The following ORAI2 variants were observed in gnomAD, a reference collection of about 807,000 sequenced individuals.
ORAI2 encodes protein orai-2.
Under a neutral mutation model 16.2 loss-of-function variants are expected in ORAI2, and 10 were observed. That is an observed-to-expected ratio of 0.62 (90% CI 0.38 to 1.04). The LOEUF is 1.04. Ranked by LOEUF, ORAI2 falls within the 50% of genes least tolerant of loss-of-function variation. The probability of loss-of-function intolerance (pLI) is 0.01; values close to 1 mark genes in which losing one functional copy is unlikely to be tolerated. For missense variants in ORAI2, 238 were observed against 355.5 expected (o/e 0.67, Z 2.66); for synonymous variants, 150 against 157.5 (o/e 0.95, Z 0.35).
chr7:102,443,122 CTTCTTCTTCTTTTTTT>C (rs1241589857), intron 3 of ORAI2, among the ~76,000 whole-genome samples: 1 of 85,420 alleles, frequency 1.2e-5, no homozygotes, highest in East Asian at 4.8e-4. Flanking sequence ...TCTTCTTCTT[CTTCTTCTTCTTTTTTT>C]TTTTTTTAAT....
rs894455702 is a variant in ORAI2 at position 102,456,631 on chromosome 7, C to T, written c.*9579C>T. 1 of 152,232 alleles carries T rather than the reference C, an allele frequency of 6.6e-6. No homozygotes were observed. The highest frequency in any genetic ancestry group is 1.9e-4 in the East Asian group (1 of 5,188). The allele number at this position is 152,232 out of a possible 1,614,324, so 9.4% of individuals were successfully genotyped here. A position where few individuals can be genotyped will look rare whatever the true frequency, so the allele number is the denominator to read the frequency against. On this transcript the variant is annotated 3_prime_UTR_variant, in exon 4 of 4. Transcript: ENST00000495936. ...TGCCCTCCTCACATCCCCCAACCCT[C>T]CCTGGGCGTGGGGGTGTCAAGCATG...
intron 1 of ORAI2, among the ~76,000 whole-genome samples, chr7:102,435,534 CT>C (rs1217174430): frequency 7.0e-4 from 82 of 117,262 alleles, no homozygotes; most frequent in African/African-American, 1.7e-3. Context: ...TTGCCCCCCC[CT>C]CTTTTTTTTT....
chr7:102,452,803 T>G lies in ORAI2; in HGVS notation c.*5751T>G, dbSNP rs1348422917. On this transcript the variant is annotated 3_prime_UTR_variant, in exon 4 of 4. Transcript: ENST00000495936. The stretch of plus-strand genomic sequence containing the variant: ...TCTTCTAGGAAAGAATTTCTGTTTG[T>G]TTTGTTTTGTTTTGTTTTGTTTTTT... 8.5e-6 allele frequency: 1 copy of G among 117,944 alleles called. No homozygotes were observed. The highest frequency in any genetic ancestry group is 1.6e-5 in the Non-Finnish European group (1 of 62,798). The allele number at this position is 117,944 out of a possible 1,614,324, so 7.3% of individuals were successfully genotyped here.
At chr7:102,442,263 A>G (rs1322526862) in intron 3 of ORAI2, among the ~76,000 whole-genome samples, 1 of 151,846 alleles carries the variant, frequency 6.6e-6, no homozygotes, top group Non-Finnish European at 1.5e-5. Flanking sequence ...TAAAAATATG[A>G]AAAGGAGGGC....
chr7:102,438,057 A>G lies in ORAI2; in HGVS notation c.-13-887A>G, dbSNP rs541954020. ...GAATGAGACTCTGTCTCTATTTTTA[A>G]AAAAAGTAGGCTGGACGCGGTGGGT... is the stretch of plus-strand genomic sequence containing the variant. On this transcript the variant is annotated intron_variant, in intron 2 of 3. Transcript: ENST00000495936. Among the ~76,000 whole-genome samples, 336 of 151,574 alleles carry G rather than the reference A, an allele frequency of 2.2e-3. 1 individual carries two copies. The highest frequency in any genetic ancestry group is 7.9e-3 in the African/African-American group (327 of 41,244).
chr7:102,446,732 G>A lies in ORAI2; in HGVS notation c.445G>A (p.Ala149Thr). Residue 149 changes from alanine to threonine, a missense_variant, in exon 4 of 4, where the codon GCC becomes ACC. Ala to Thr is a moderately conservative substitution (Grantham distance 58, BLOSUM62 0). This residue lies in a region of ORAI2 where 176 missense variants were observed against 265.9 expected (regional missense o/e 0.66). Transcript: ENST00000495936. Reference sequence around the variant, plus strand: ...GCGCATGCACCCCTACATCGAGCTGGCCTGGGGCTTCTCCACCGTGCTTGG... The same window carrying A: ...GCGCATGCACCCCTACATCGAGCTGACCTGGGGCTTCTCCACCGTGCTTGG... ...HERMHPYIEL[A>T]WGFSTVLGIL... 1.2e-6 allele frequency: 2 copies of A among 1,614,158 alleles called. No homozygotes were observed. Among genetic ancestry groups the A allele is most frequent in the Non-Finnish European group, 8.5e-7 (1 of 1,180,032 alleles).
chr7:102,439,321 C>A, intron 3 of ORAI2, 140 bp downstream of exon 3: 1 of 699,776 alleles, frequency 1.4e-6, no homozygotes, highest in African/African-American at 1.8e-5. Context: ...CACCCACGTC[C>A]CAGCTGCTCT....
At chr7:102,435,218 C>T (rs746966708) in intron 1 of ORAI2, among the ~76,000 whole-genome samples, 1 of 152,194 alleles carries the variant, frequency 6.6e-6, no homozygotes, top group African/African-American at 2.4e-5. Flanking sequence ...TTGCAGGGAG[C>T]TGAGATTGTG....
At chr7:102,440,296 A>C (rs1341027123) in intron 3 of ORAI2, among the ~76,000 whole-genome samples, 1 of 152,118 alleles carries the variant, frequency 6.6e-6, no homozygotes, top group Non-Finnish European at 1.5e-5. Context: ...TCTGGCCTCC[A>C]GGGTGACAAA....
At chr7:102,439,848 G>A (rs1395131685) in intron 3 of ORAI2, among the ~76,000 whole-genome samples, 2 of 152,074 alleles carry the variant, frequency 1.3e-5, no homozygotes, top group African/African-American at 2.4e-5. Flanking sequence ...GGGAGGCCGA[G>A]GTGAGTGGAT....
intron 3 of ORAI2, among the ~76,000 whole-genome samples, chr7:102,444,855 C>T (rs980201105): frequency 4.7e-5 from 7 of 150,430 alleles, no homozygotes; most frequent in East Asian, 2.0e-4. Flanking sequence ...TTAGTAAAGA[C>T]GGGGTTTCAC....
chr7:102,440,317 T>A (rs2133225234), intron 3 of ORAI2, among the ~76,000 whole-genome samples: 1 of 152,232 alleles, frequency 6.6e-6, no homozygotes, highest in South Asian at 2.1e-4. Flanking sequence ...GGAGAGCTTT[T>A]GGCCTGGCTC....
rs1014923285 is a variant in ORAI2, at chr7:102,450,994, A to G, written c.*3942A>G. The G allele has an allele frequency of 2.6e-5, 4 of 152,270 alleles. No homozygotes were observed. Among genetic ancestry groups the G allele is most frequent in the Non-Finnish European group, 5.9e-5 (4 of 68,104 alleles). 9.4% of individuals were successfully genotyped at this position (152,270 alleles called of 1,614,324 possible). A position where few individuals can be genotyped will look rare whatever the true frequency, so the allele number is the denominator to read the frequency against. Reference sequence around the variant, plus strand: ...GGTGGGCGGATCGCCTGAGATCAGGAGTTCGAGACCAGCCTGGCCCACATG... The same window carrying G: ...GGTGGGCGGATCGCCTGAGATCAGGGGTTCGAGACCAGCCTGGCCCACATG... On this transcript the variant is annotated 3_prime_UTR_variant, in exon 4 of 4. Transcript: ENST00000495936.
intron 3 of ORAI2, among the ~76,000 whole-genome samples, chr7:102,444,579 G>GT (rs1361041361): frequency 3.7e-4 from 47 of 125,996 alleles, no homozygotes; most frequent in East Asian, 1.5e-3. Context: ...GAGTTTTGTT[G>GT]TTTTTTTTTC....
intron 2 of ORAI2, among the ~76,000 whole-genome samples, chr7:102,437,157 A>G (rs1341649770): frequency 1.3e-5 from 2 of 152,236 alleles, no homozygotes; most frequent in African/African-American, 4.8e-5. Flanking sequence ...GATGTTTACC[A>G]GGTGTGAGTC....
chr7:102,444,977 T>A (rs1797304492), intron 3 of ORAI2, among the ~76,000 whole-genome samples: 1 of 133,772 alleles, frequency 7.5e-6, no homozygotes. Context: ...GACCTCACAT[T>A]TCAAGACACC....
At chr7:102,439,330 C>G (rs1272718779) in intron 3 of ORAI2, 149 bp downstream of exon 3, 1 of 678,470 alleles carries the variant, frequency 1.5e-6, no homozygotes, top group Non-Finnish European at 2.5e-6. Flanking sequence ...CCCAGCTGCT[C>G]TAAGAGGACG....
In ORAI2 at chr7:102,433,975, C is replaced by T. The variant is rs1235696342; in HGVS notation, c.-123+314C>T. Among the ~76,000 whole-genome samples the T allele has an allele frequency of 2.0e-5, 3 of 152,104 alleles. No homozygotes were observed. The highest frequency in any genetic ancestry group is 7.2e-5 in the African/African-American group (3 of 41,526). ...GCTGGAGAGAGACACTCGCCATTGC[C>T]GGTGCCCCAGATGCTTAGAGGAAGT... On this transcript the variant is annotated intron_variant, in intron 1 of 3. Coordinates refer to ENST00000495936, the MANE Select transcript of ORAI2 (RefSeq NM_001126340.3). This position sits in a 1 kb window ranked among gnomAD's most constrained non-coding sequence, Gnocchi z 4.6.
At position 102,448,064 on chromosome 7, in the gene ORAI2, G is replaced by A. The variant is rs569191001; in HGVS notation, c.*1012G>A. ...GAGGGGACAGCCTGGGGGACTTCCT[G>A]CCTAGGCAAGGTCATTGGCCGGGCC... On this transcript the variant is annotated 3_prime_UTR_variant, in exon 4 of 4. Transcript: ENST00000495936. The A allele has an allele frequency of 1.3e-5, 2 of 152,346 alleles. No individual in the cohort carries two copies. Among genetic ancestry groups the A allele is most frequent in the Non-Finnish European group, 2.9e-5 (2 of 68,124 alleles). 9.4% of individuals were successfully genotyped at this position (152,346 alleles called of 1,614,324 possible).
Sources: gnomAD v4.1 joint callset for allele counts (sites outside exome capture counted in the v4.1 genomes callset) on GRCh38, gnomAD v4.1.1 for gene constraint, gnomAD v4.1.1 regional missense constraint, Gnocchi (gnomAD v3.1) non-coding constraint, MANE v1.5 for transcripts, NCBI Gene and HGNC (gene_info 2026-07-23, HGNC 2026-07-21) for gene names.